RAD51B: variants seen among roughly 807,000 people sequenced by gnomAD.
RAD51B encodes the protein DNA repair protein RAD51 homolog 2.
RAD51B carries 38 observed loss-of-function variants against 42.2 expected under a neutral mutation model. The observed-to-expected ratio is 0.90, with a 90% CI of 0.70 to 1.18. The LOEUF is 1.18. Ranked by LOEUF, RAD51B falls within the 50% of genes most tolerant of loss-of-function variation. The probability of loss-of-function intolerance (pLI) is 0.00; values close to 1 mark genes in which losing one functional copy is unlikely to be tolerated. For synonymous variants in RAD51B, 154 were observed against 145.2 expected (o/e 1.06, Z -0.43); for missense variants, 373 against 400.7 (o/e 0.93, Z 0.59).
intron 10 of RAD51B, among the ~76,000 whole-genome samples, chr14:68,546,885 C>T (rs993515933): frequency 2.0e-5 from 3 of 152,186 alleles, no homozygotes; most frequent in Non-Finnish European, 4.4e-5. Flanking sequence ...TAATGGCAAA[C>T]TCTTGGCAAT....
chr14:67,884,660 C>G (rs2043010569), intron 5 of RAD51B, among the ~76,000 whole-genome samples: 1 of 152,084 alleles, frequency 6.6e-6, no homozygotes, highest in Non-Finnish European at 1.5e-5. Context: ...ATCCCTGTGC[C>G]TCTCTTAAGC....
At position 67,920,748 on chromosome 14, in the gene RAD51B, C is replaced by T. The variant is rs1356567211; in HGVS notation, c.756+33544C>T. Among the ~76,000 whole-genome samples the T allele has an allele frequency of 4.0e-5, 6 of 151,888 alleles. No homozygotes were observed. The East Asian group carries it at 1.2e-3, about 29-fold the overall frequency. ...TGTGCTTGGTCTTAGGAATACAGGA[C>T]AAGTTAGGGCATCATTCCCACCCTC... On this transcript the variant is annotated intron_variant, in intron 7 of 10. Transcript: ENST00000471583.
intron 8 of RAD51B, among the ~76,000 whole-genome samples, chr14:68,333,278 G>A (rs1209704031): frequency 5.4e-5 from 7 of 128,622 alleles, no homozygotes; most frequent in Non-Finnish European, 8.6e-5. Flanking sequence ...ATATAAACTG[G>A]TGATTTTTAG....
chr14:68,206,858 C>T (rs993482516), intron 7 of RAD51B, among the ~76,000 whole-genome samples: 3 of 149,330 alleles, frequency 2.0e-5, no homozygotes, highest in African/African-American at 2.5e-5. Flanking sequence ...GGCGCGATCT[C>T]GGCTCACTGC....
chr14:68,040,281 G>A (rs573963785), intron 7 of RAD51B, among the ~76,000 whole-genome samples: 1 of 152,162 alleles, frequency 6.6e-6, no homozygotes, highest in East Asian at 1.9e-4. Flanking sequence ...TGCTAACCCT[G>A]GTATTAATTG....
chr14:68,030,792 C>CTT (rs1020142627), intron 7 of RAD51B, among the ~76,000 whole-genome samples: 1 of 152,200 alleles, frequency 6.6e-6, no homozygotes, highest in Non-Finnish European at 1.5e-5. Flanking sequence ...TTCCAACATA[C>CTT]TTTCCTCACT....
intron 7 of RAD51B, among the ~76,000 whole-genome samples, chr14:68,202,745 G>A (rs1278669933): frequency 6.6e-6 from 1 of 151,702 alleles, no homozygotes; most frequent in African/African-American, 2.4e-5. Flanking sequence ...TCCACACCTG[G>A]CTAATTTTGT....
intron 8 of RAD51B, among the ~76,000 whole-genome samples, chr14:68,305,133 A>C (rs2081833649): frequency 6.6e-6 from 1 of 152,218 alleles, no homozygotes; most frequent in South Asian, 2.1e-4. Flanking sequence ...ATTGTGATGT[A>C]TTCCCACCAC....
chr14:68,673,211 AATG>A (rs1893196758), intron 11 of RAD51B, among the ~76,000 whole-genome samples: 4 of 152,212 alleles, frequency 2.6e-5, no homozygotes, highest in Non-Finnish European at 4.4e-5. Flanking sequence ...AAACAAGAAA[AATG>A]ATCTGAAAAT....
At position 68,674,577 on chromosome 14, in the gene RAD51B, G is replaced by T. The variant is rs183163049; in HGVS notation, c.*11+23721G>T. The stretch of plus-strand genomic sequence containing the variant: ...TATTTCTATCCTAAGGTAACATACT[G>T]GTTGTAGAAAGTCAGAAAATGTGTA... On this transcript the variant is annotated intron_variant, in intron 11 of 11. Transcript: ENST00000488612. 2.8e-3 allele frequency among the ~76,000 whole-genome samples: 424 copies of T among 151,952 alleles called. 1 individual carries two copies. The highest frequency in any genetic ancestry group is 9.5e-3 in the African/African-American group (393 of 41,406).
chr14:68,007,437 G>T (rs897431004), intron 7 of RAD51B, among the ~76,000 whole-genome samples: 1 of 151,874 alleles, frequency 6.6e-6, no homozygotes, highest in Non-Finnish European at 1.5e-5. Context: ...AGGAACTGCC[G>T]AACTGTTTTT....
chr14:67,866,263 G>A (rs964562986), intron 5 of RAD51B, among the ~76,000 whole-genome samples: 6 of 151,934 alleles, frequency 3.9e-5, no homozygotes, highest in African/African-American at 1.5e-4. Flanking sequence ...TAAATAAATG[G>A]TTAAAAAAAA....
intron 7 of RAD51B, among the ~76,000 whole-genome samples, chr14:68,121,467 T>C (rs1435372352): frequency 2.0e-4 from 31 of 152,180 alleles, no homozygotes; most frequent in Admixed American, 2.0e-3. Flanking sequence ...AGTCAAGTGA[T>C]CTAAGGATCC....
chr14:68,422,005 A>C, intron 9 of RAD51B: 1 of 1,524,946 alleles, frequency 6.6e-7, no homozygotes. Flanking sequence ...CACAGTCACC[A>C]CCCTGACACA....
intron 7 of RAD51B, among the ~76,000 whole-genome samples, chr14:67,900,853 A>G (rs140815190): frequency 3.0e-4 from 45 of 152,180 alleles, no homozygotes; most frequent in African/African-American, 1.0e-3. Flanking sequence ...TTTGTTCTGT[A>G]TGATCTTTAG....
chr14:68,640,529 A>G (rs532412960), intron 10 of RAD51B, among the ~76,000 whole-genome samples: 1 of 152,354 alleles, frequency 6.6e-6, no homozygotes, highest in South Asian at 2.1e-4. Context: ...GGGGACTCAA[A>G]GGAACCAAAA....
intron 9 of RAD51B, among the ~76,000 whole-genome samples, chr14:68,449,767 G>C (rs2085509573): frequency 6.6e-6 from 1 of 151,894 alleles, no homozygotes; most frequent in Admixed American, 6.6e-5. Flanking sequence ...ATTTCTCCTA[G>C]AGTCCCGGCT....
chr14:68,575,909 A>G (rs1221970986), intron 10 of RAD51B, among the ~76,000 whole-genome samples: 1 of 152,266 alleles, frequency 6.6e-6, no homozygotes, highest in African/African-American at 2.4e-5. Flanking sequence ...AGAAGAATGT[A>G]GTGAAGGCAC....
chr14:68,483,177 T>C (rs562887267), intron 10 of RAD51B, among the ~76,000 whole-genome samples: 4 of 152,334 alleles, frequency 2.6e-5, no homozygotes, highest in African/African-American at 9.6e-5. Flanking sequence ...AAGGTACCAC[T>C]TCCTCCATGT....
Sources: allele counts gnomAD v4.1 joint callset (sites outside exome capture counted in the v4.1 genomes callset), GRCh38; gene constraint gnomAD v4.1.1; transcripts MANE v1.5; gene names NCBI Gene and HGNC (gene_info 2026-07-23, HGNC 2026-07-21).